The following PCDH9 variants were observed in gnomAD, a reference collection of about 807,000 sequenced individuals.
PCDH9 encodes protocadherin 9.
In PCDH9, 24 loss-of-function variants were observed where a neutral mutation model predicts 70.6. The observed-to-expected ratio is 0.34, with a 90% CI of 0.25 to 0.48. The LOEUF is 0.48. Ranked by LOEUF, PCDH9 falls within the 20% of genes least tolerant of loss-of-function variation. The probability of loss-of-function intolerance (pLI) is 0.99; values close to 1 mark genes in which losing one functional copy is unlikely to be tolerated. For synonymous variants in PCDH9, 562 were observed against 558.5 expected (o/e 1.01, Z -0.09); for missense variants, 1,281 against 1,503.6 (o/e 0.85, Z 2.45).
intron 3 of PCDH9, among the ~76,000 whole-genome samples, chr13:66,840,315 T>A (rs2139427859): frequency 6.6e-6 from 1 of 152,326 alleles, no homozygotes; most frequent in East Asian, 1.9e-4. Context: ...GTAATCAGAA[T>A]TAGATAACTT....
chr13:66,735,201 T>A (rs969944427), intron 3 of PCDH9, among the ~76,000 whole-genome samples: 4 of 152,204 alleles, frequency 2.6e-5, no homozygotes, highest in Non-Finnish European at 5.9e-5. Context: ...AATCTCCACA[T>A]ATTCCACTAC....
At chr13:66,824,661 T>TATAC (rs2080779937) in intron 3 of PCDH9, among the ~76,000 whole-genome samples, 2 of 35,806 alleles carry the variant, frequency 5.6e-5, no homozygotes, top group African/African-American at 1.7e-4. Flanking sequence ...GATATATATA[T>TATAC]ATATATATAT....
chr13:67,049,278 T>C (rs951302067), intron 2 of PCDH9, among the ~76,000 whole-genome samples: 1 of 152,236 alleles, frequency 6.6e-6, no homozygotes, highest in African/African-American at 2.4e-5. Flanking sequence ...ACATCATTTA[T>C]ACAGTTCTGA....
chr13:66,800,595 A>G (rs1594077846), intron 3 of PCDH9, among the ~76,000 whole-genome samples: 1 of 152,144 alleles, frequency 6.6e-6, no homozygotes, highest in Non-Finnish European at 1.5e-5. Context: ...ATATCCTCAT[A>G]CGCCAAATGG....
At chr13:66,651,784 T>C (rs1388406725) in intron 3 of PCDH9, among the ~76,000 whole-genome samples, 1 of 151,972 alleles carries the variant, frequency 6.6e-6, no homozygotes, top group Non-Finnish European at 1.5e-5. Flanking sequence ...GCAAATCAAG[T>C]TCAACAACAC....
At chr13:67,001,402 T>C (rs1339974644) in intron 2 of PCDH9, among the ~76,000 whole-genome samples, 1 of 152,194 alleles carries the variant, frequency 6.6e-6, no homozygotes, top group African/African-American at 2.4e-5. Context: ...AGCTATGCCA[T>C]GCTGCAGGGA....
chr13:66,444,018 T>C (rs1037253849), intron 4 of PCDH9, among the ~76,000 whole-genome samples: 6 of 152,154 alleles, frequency 3.9e-5, no homozygotes, highest in Non-Finnish European at 7.4e-5. Flanking sequence ...TTTCCCCCTC[T>C]ACAAATTCAC....
intron 2 of PCDH9, among the ~76,000 whole-genome samples, chr13:66,941,710 G>C (rs2083009196): frequency 6.6e-6 from 1 of 151,844 alleles, no homozygotes; most frequent in Non-Finnish European, 1.5e-5. Flanking sequence ...TCCTAAACAT[G>C]TATGCACCAA....
intron 2 of PCDH9, among the ~76,000 whole-genome samples, chr13:67,154,703 ATCTT>A (rs1442987970): frequency 3.7e-5 from 5 of 136,630 alleles, no homozygotes; most frequent in African/African-American, 1.4e-4. Context: ...TTGATCTGTA[ATCTT>A]TTTTTTTTTT....
intron 2 of PCDH9, among the ~76,000 whole-genome samples, chr13:67,139,287 A>G (rs2087312744): frequency 6.6e-6 from 1 of 152,162 alleles, no homozygotes; most frequent in African/African-American, 2.4e-5. Context: ...ACTGCTCAAC[A>G]TTGCCATTTG....
intron 3 of PCDH9, among the ~76,000 whole-genome samples, chr13:66,890,588 A>G (rs1255003700): frequency 6.6e-6 from 1 of 151,558 alleles, no homozygotes; most frequent in Non-Finnish European, 1.5e-5. Flanking sequence ...CCTGGAAGTC[A>G]TCCCTTTGAA....
intron 4 of PCDH9, among the ~76,000 whole-genome samples, chr13:66,467,829 C>T (rs893804596): frequency 6.6e-6 from 1 of 152,076 alleles, no homozygotes; most frequent in Non-Finnish European, 1.5e-5. Flanking sequence ...TTGTATGATA[C>T]TTGTTTCTCC....
chr13:66,951,364 A>G (rs1341999181), intron 2 of PCDH9, among the ~76,000 whole-genome samples: 1 of 152,070 alleles, frequency 6.6e-6, no homozygotes, highest in Non-Finnish European at 1.5e-5. Flanking sequence ...AATTGAATGT[A>G]ATTTTCTGAT....
At chr13:66,947,688 G>A (rs577807798) in intron 2 of PCDH9, among the ~76,000 whole-genome samples, 1 of 152,196 alleles carries the variant, frequency 6.6e-6, no homozygotes, top group Non-Finnish European at 1.5e-5. Flanking sequence ...AGTTGGAAAA[G>A]TATGAGATAA....
At chr13:66,473,018 A>C (rs933482413) in intron 4 of PCDH9, among the ~76,000 whole-genome samples, 3 of 151,810 alleles carry the variant, frequency 2.0e-5, no homozygotes, top group Non-Finnish European at 1.5e-5. Flanking sequence ...ATATTATATA[A>C]ATTTTATATT....
At chr13:66,897,331 A>G (rs1594225554) in intron 3 of PCDH9, among the ~76,000 whole-genome samples, 1 of 152,190 alleles carries the variant, frequency 6.6e-6, no homozygotes, top group East Asian at 1.9e-4. Context: ...TAATTATGAA[A>G]AAAGAGAGGT....
At chr13:66,636,447 G>A (rs2077638575) in intron 3 of PCDH9, among the ~76,000 whole-genome samples, 1 of 151,906 alleles carries the variant, frequency 6.6e-6, no homozygotes, top group Non-Finnish European at 1.5e-5. Flanking sequence ...GCCTTCTCAA[G>A]TAACATGATA....
intron 2 of PCDH9, among the ~76,000 whole-genome samples, chr13:67,193,495 A>C (rs2088977141): frequency 6.6e-6 from 1 of 152,180 alleles, no homozygotes; most frequent in South Asian, 2.1e-4. Flanking sequence ...AATTCAGGAA[A>C]GTAAGCACAA....
chr13:66,445,611 TTA>T (rs1356731949), intron 4 of PCDH9, among the ~76,000 whole-genome samples: 1 of 141,746 alleles, frequency 7.1e-6, no homozygotes, highest in African/African-American at 2.6e-5. Flanking sequence ...CACATATATA[TTA>T]TATATACACA....
Sources: gnomAD v4.1 joint callset for allele counts (sites outside exome capture counted in the v4.1 genomes callset) on GRCh38, gnomAD v4.1.1 for gene constraint, MANE v1.5 for transcripts, NCBI Gene and HGNC (gene_info 2026-07-23, HGNC 2026-07-21) for gene names.